CYFIP2: variants seen among roughly 807,000 people sequenced by gnomAD.
The protein encoded by CYFIP2 is cytoplasmic FMR1-interacting protein 2.
CYFIP2 carries 29 observed loss-of-function variants against 158.7 expected under a neutral mutation model. That is an observed-to-expected ratio of 0.18 (90% CI 0.14 to 0.25). The LOEUF (loss-of-function observed/expected upper bound fraction) is 0.25, where lower values mean the gene tolerates loss of function less well. Among genes scored for constraint, CYFIP2 ranks in the 10% least tolerant of loss-of-function variants. The pLI is 1.00. For synonymous variants in CYFIP2, 585 were observed against 617.6 expected (o/e 0.95, Z 0.78); for missense variants, 852 against 1,639.5 (o/e 0.52, Z 8.29).
At position 157,311,147 on chromosome 5, in the gene CYFIP2, C is replaced by T. The variant is rs538104469; in HGVS notation, c.993-517C>T. 1 of 452,804 alleles carries T rather than the reference C, an allele frequency of 2.2e-6. No individual in the cohort carries two copies. Among genetic ancestry groups the T allele is most frequent in the East Asian group, 7.0e-5 (1 of 14,362 alleles). The allele number at this position is 452,804 out of a possible 1,614,324, so 28.0% of individuals were successfully genotyped here. On this transcript the variant is annotated intron_variant, in intron 10 of 30. Transcript: ENST00000620254. This position sits in a 1 kb window ranked among gnomAD's most constrained non-coding sequence, Gnocchi z 4.7. Reference sequence around the variant, plus strand: ...GGCCACCCCCACGTCTCAGAGTGGCCCTGGCTTCTCCCACCACAGTGTGCT... The same window carrying T: ...GGCCACCCCCACGTCTCAGAGTGGCTCTGGCTTCTCCCACCACAGTGTGCT...
At chr5:157,386,573 A>G (rs1430143162) in intron 28 of CYFIP2, among the ~76,000 whole-genome samples, 1 of 152,152 alleles carries the variant, frequency 6.6e-6, no homozygotes, top group Non-Finnish European at 1.5e-5. Flanking sequence ...CCCTTCAGTT[A>G]CTAAGTATTC....
intron 1 of CYFIP2, among the ~76,000 whole-genome samples, chr5:157,273,421 ATAT>A (rs1312632945): frequency 6.6e-6 from 1 of 152,140 alleles, no homozygotes; most frequent in Non-Finnish European, 1.5e-5. Context: ...TCCTCAGTTA[ATAT>A]TATCTGAGAA....
Position 157,330,702 on chromosome 5 carries a change from A to C in CYFIP2, c.2157-40A>C, listed in dbSNP as rs1244249966. 7 of 1,532,314 alleles carry C rather than the reference A, an allele frequency of 4.6e-6. 1 individual carries two copies. The Admixed American group carries it at 1.0e-4, about 22-fold the overall frequency. 94.9% of individuals were successfully genotyped at this position (1,532,314 alleles called of 1,614,324 possible). On this transcript the variant is annotated intron_variant, in intron 19 of 30. Transcript: ENST00000620254. Reference sequence around the variant, plus strand: ...ATCTGGGCAGTTGAGAGTCATTCACAATCTGTTTACTGGCCTTGTTTCACT... The same window carrying C: ...ATCTGGGCAGTTGAGAGTCATTCACCATCTGTTTACTGGCCTTGTTTCACT...
intron 13 of CYFIP2, among the ~76,000 whole-genome samples, chr5:157,316,663 G>T (rs762656383): frequency 6.6e-6 from 1 of 152,078 alleles, no homozygotes; most frequent in Admixed American, 6.6e-5. Flanking sequence ...TCCCAGCCCC[G>T]GGCCCTCTGG....
Position 157,369,598 on chromosome 5 carries a change from T to C in CYFIP2, c.3039+8000T>C, listed in dbSNP as rs190864972. Among the ~76,000 whole-genome samples the C allele has an allele frequency of 1.8e-3, 268 of 152,344 alleles. 2 individuals carry two copies. The highest frequency in any genetic ancestry group is 1.0e-3 in the Non-Finnish European group (71 of 68,022). ...AAGCCAGCTCAATTTTTGCTTATTT[T>C]GTGAGCCTTACCAGTAACTGCCAAG... is the stretch of plus-strand genomic sequence containing the variant. On this transcript the variant is annotated intron_variant, in intron 26 of 30. Transcript: ENST00000620254.
chr5:157,371,979 A>C (rs1248958886), intron 26 of CYFIP2, among the ~76,000 whole-genome samples: 1 of 152,206 alleles, frequency 6.6e-6, no homozygotes, highest in Non-Finnish European at 1.5e-5. Flanking sequence ...AAACTACTGA[A>C]TCATAACTTT....
chr5:157,315,194 T>C lies in CYFIP2; in HGVS notation c.1356+100T>C, dbSNP rs552431011. 7.6e-5 allele frequency: 112 copies of C among 1,481,266 alleles called. 2 individuals are homozygous for C. The East Asian group carries it at 1.3e-3, about 18-fold the overall frequency. 91.8% of individuals were successfully genotyped at this position (1,481,266 alleles called of 1,614,324 possible). On this transcript the variant is annotated intron_variant, in intron 13 of 30. Transcript: ENST00000620254. ...AAGAAAACAGCATCGGTTGCCCTAA[T>C]TTTCGTGCTCTTCCCTGTCCTACCA...
At chr5:157,371,197 G>T (rs1384331640) in intron 26 of CYFIP2, among the ~76,000 whole-genome samples, 7 of 152,100 alleles carry the variant, frequency 4.6e-5, no homozygotes, top group Non-Finnish European at 4.4e-5. Context: ...ATCAGTATGC[G>T]GGAAACACAT....
At chr5:157,342,018 A>G (rs564708094) in intron 23 of CYFIP2, 3 of 152,628 alleles carry the variant, frequency 2.0e-5, no homozygotes, top group Non-Finnish European at 4.4e-5. Flanking sequence ...TATATCAAGG[A>G]GAAAGACAAA....
chr5:157,385,108 G>A (rs569895902), intron 28 of CYFIP2, among the ~76,000 whole-genome samples: 15 of 152,322 alleles, frequency 9.8e-5, no homozygotes, highest in Admixed American at 1.3e-4. Context: ...AACCCAGTGA[G>A]TGACATGTGA....
At chr5:157,319,440 G>A (rs1275251634) in intron 13 of CYFIP2, among the ~76,000 whole-genome samples, 1 of 152,216 alleles carries the variant, frequency 6.6e-6, no homozygotes, top group Admixed American at 6.5e-5. Context: ...TGGCCCATGG[G>A]CCAGCTGCTA....
rs564260800 is a variant in CYFIP2 at position 157,299,913 on chromosome 5, A to G, written c.388-802A>G. The stretch of plus-strand genomic sequence containing the variant: ...AAACTCCATCTCAAAACAAAACAAA[A>G]CAAAACAAAAAACTAGAATGTAAAT... On this transcript the variant is annotated intron_variant, in intron 5 of 30. Transcript: ENST00000620254. 1.1e-4 allele frequency among the ~76,000 whole-genome samples: 17 copies of G among 152,226 alleles called. No individual in the cohort carries two copies. The South Asian group carries it at 3.3e-3, about 30-fold the overall frequency.
chr5:157,306,352 G>A (rs1759221602), intron 8 of CYFIP2, among the ~76,000 whole-genome samples: 1 of 152,156 alleles, frequency 6.6e-6, no homozygotes, highest in Admixed American at 6.6e-5. Flanking sequence ...GGTGATTGCT[G>A]TAACTTTCCA....
intron 6 of CYFIP2, 24 bp from the exon 7 acceptor site, chr5:157,302,770 C>T: frequency 2.6e-6 from 4 of 1,552,394 alleles, no homozygotes; most frequent in Non-Finnish European, 3.5e-6. Context: ...GTCCTCTCTG[C>T]AGCACCCACT....
chr5:157,269,187 G>C (rs1755870796), intron 1 of CYFIP2, among the ~76,000 whole-genome samples: 2 of 152,010 alleles, frequency 1.3e-5, no homozygotes, highest in African/African-American at 4.8e-5. Flanking sequence ...GCCGAAGGAA[G>C]GGAAAGTTAA....
At chr5:157,295,501 A>G (rs1215309344) in intron 4 of CYFIP2, among the ~76,000 whole-genome samples, 1 of 152,226 alleles carries the variant, frequency 6.6e-6, no homozygotes, top group African/African-American at 2.4e-5. Flanking sequence ...TCTAGGCCCC[A>G]GCAATAACTA....
At chr5:157,372,204 G>A (rs1307495602) in intron 26 of CYFIP2, among the ~76,000 whole-genome samples, 1 of 152,118 alleles carries the variant, frequency 6.6e-6, no homozygotes, top group Non-Finnish European at 1.5e-5. Flanking sequence ...AGACTACATC[G>A]TGTATCATAT....
At chr5:157,344,994 A>G (rs1317336329) in intron 23 of CYFIP2, among the ~76,000 whole-genome samples, 1 of 152,218 alleles carries the variant, frequency 6.6e-6, no homozygotes, top group Non-Finnish European at 1.5e-5. Context: ...AGGAAGGTGA[A>G]TAGTGTCTTT....
intron 23 of CYFIP2, among the ~76,000 whole-genome samples, chr5:157,352,013 C>T (rs1763105282): frequency 6.6e-6 from 1 of 152,058 alleles, no homozygotes; most frequent in Non-Finnish European, 1.5e-5. Context: ...CTCAATAAAA[C>T]AAAACTTTAA....
Sources: allele counts gnomAD v4.1 joint callset (sites outside exome capture counted in the v4.1 genomes callset), GRCh38; gene constraint gnomAD v4.1.1; non-coding constraint Gnocchi (gnomAD v3.1); transcripts MANE v1.5; gene names NCBI Gene and HGNC (gene_info 2026-07-23, HGNC 2026-07-21).